The following KCNAB2 variants were observed in gnomAD, a reference collection of about 807,000 sequenced individuals.
KCNAB2 encodes voltage-gated potassium channel subunit beta-2.
A neutral mutation model predicts 63.6 loss-of-function variants in KCNAB2; 29 were observed. That is an observed-to-expected ratio of 0.46 (90% CI 0.34 to 0.62). The LOEUF (loss-of-function observed/expected upper bound fraction) is 0.62, where lower values mean the gene tolerates loss of function less well. Among genes scored for constraint, KCNAB2 ranks in the 20% least tolerant of loss-of-function variants. The pLI is 0.01. For synonymous variants in KCNAB2, 222 were observed against 224.2 expected (o/e 0.99, Z 0.09); for missense variants, 359 against 563.9 (o/e 0.64, Z 3.68).
chr1:6,040,388 G>C, intron 1 of KCNAB2: 1 of 631,414 alleles, frequency 1.6e-6, no homozygotes, highest in Non-Finnish European at 2.9e-6. Flanking sequence ...TCTCTGCTGA[G>C]GGGCTCCCCG....
chr1:6,050,027 T>C (rs1661254202), intron 1 of KCNAB2, among the ~76,000 whole-genome samples: 1 of 152,132 alleles, frequency 6.6e-6, no homozygotes, highest in Admixed American at 6.5e-5. Flanking sequence ...GGGTCTTTCC[T>C]TTGGCCCCTG....
intron 4 of KCNAB2, among the ~76,000 whole-genome samples, chr1:6,077,566 G>A (rs1663773745): frequency 1.3e-5 from 2 of 152,210 alleles, no homozygotes; most frequent in South Asian, 2.1e-4. Context: ...CGCCTTCGGG[G>A]GTCTGTGATG....
chr1:6,000,060 C>T (rs1397687749), intron 1 of KCNAB2, among the ~76,000 whole-genome samples: 2 of 151,368 alleles, frequency 1.3e-5, no homozygotes, highest in Admixed American at 6.6e-5. Flanking sequence ...GTCTGTGCCC[C>T]GTCCACACCC....
chr1:6,099,594 C>T lies in KCNAB2; in HGVS notation c.*1020C>T. On this transcript the variant is annotated 3_prime_UTR_variant, in exon 16 of 16. Transcript: ENST00000378083. ...GTAGACTTTCTCTAAAGCCGCCCGC[C>T]AGCCCAGGCCGCTGCTCTGCACCGA... 1 of 625,154 alleles carries T rather than the reference C, an allele frequency of 1.6e-6. No individual in the cohort carries two copies. Among genetic ancestry groups the T allele is most frequent in the Non-Finnish European group, 2.5e-6 (1 of 396,102 alleles). 38.7% of individuals were successfully genotyped at this position (625,154 alleles called of 1,614,324 possible). A position where few individuals can be genotyped will look rare whatever the true frequency, so the allele number is the denominator to read the frequency against.
intron 2 of KCNAB2, among the ~76,000 whole-genome samples, chr1:6,067,006 G>A (rs925578103): frequency 1.3e-5 from 2 of 152,200 alleles, no homozygotes; most frequent in Admixed American, 6.5e-5. Context: ...CTTCCCTGCC[G>A]GGGCCTTTCT....
rs1472776757 is a variant in KCNAB2 at position 6,003,512 on chromosome 1, C to T, written c.-53+10724C>T. The stretch of plus-strand genomic sequence containing the variant: ...TCACTGAGTGGCCACATTATACCCT[C>T]CCGTTTGTCTATAGTTCACTTAAAC... On this transcript the variant is annotated intron_variant, in intron 1 of 16. Coordinates refer to the KCNAB2 transcript ENST00000341524. This position sits in a 1 kb window ranked among gnomAD's most constrained non-coding sequence, Gnocchi z 4.1. Among the ~76,000 whole-genome samples, 1 of 152,242 alleles carries T rather than the reference C, an allele frequency of 6.6e-6. No individual in the cohort carries two copies. The highest frequency in any genetic ancestry group is 1.5e-5 in the Non-Finnish European group (1 of 68,040).
chr1:6,095,768 T>G (rs922796118), intron 13 of KCNAB2, 144 bp downstream of exon 13: 3 of 748,422 alleles, frequency 4.0e-6, no homozygotes, highest in Admixed American at 2.2e-5. Flanking sequence ...GGCGGGCTCC[T>G]TGGCGTGAGA....
At chr1:6,054,846 C>T (rs1453475832) in intron 2 of KCNAB2, among the ~76,000 whole-genome samples, 1 of 152,162 alleles carries the variant, frequency 6.6e-6, no homozygotes, top group African/African-American at 2.4e-5. Flanking sequence ...CGGGAGGGGA[C>T]AAATCAGAGG....
intron 2 of KCNAB2, among the ~76,000 whole-genome samples, chr1:6,057,923 A>C (rs1661978748): frequency 6.6e-6 from 1 of 152,154 alleles, no homozygotes; most frequent in Admixed American, 6.5e-5. Flanking sequence ...GGCTGAGGCA[A>C]GTGGATCACT....
Position 6,075,236 on chromosome 1 carries a change from C to T in KCNAB2, c.300+1466C>T, listed in dbSNP as rs114757550. 1.5e-3 allele frequency among the ~76,000 whole-genome samples: 229 copies of T among 152,318 alleles called. 1 individual carries two copies. The highest frequency in any genetic ancestry group is 5.3e-3 in the African/African-American group (220 of 41,564). On this transcript the variant is annotated intron_variant, in intron 4 of 15. Coordinates refer to ENST00000378083, the MANE Select transcript of KCNAB2 (RefSeq NM_001199862.2). ...TAACTTCATTTCCAAACAATATTAG[C>T]TGGGTGGCCTGTATGTCCTTGTGGG...
chr1:6,035,826 G>C lies in KCNAB2; in HGVS notation c.-53+1032G>C, dbSNP rs767117705. The C allele has an allele frequency of 6.6e-6, 1 of 152,590 alleles. No individual in the cohort carries two copies. The highest frequency in any genetic ancestry group is 1.5e-5 in the Non-Finnish European group (1 of 68,402). The allele number at this position is 152,590 out of a possible 1,614,324, so 9.5% of individuals were successfully genotyped here. ...CACGAGATGGGTGGAAATCTGAGGG[G>C]CTTTGTGGGGATGGAAAAGAATATA... On this transcript the variant is annotated intron_variant, in intron 1 of 15. Coordinates refer to the KCNAB2 transcript ENST00000164247. The surrounding 1 kb of genome is among the most constrained non-coding windows in gnomAD (Gnocchi z 5.0).
exon 2 of KCNAB2, chr1:6,040,638 A>G (rs1466976361): frequency 1.2e-6 from 2 of 1,612,662 alleles, no homozygotes; most frequent in Non-Finnish European, 1.7e-6. Flanking sequence ...CCCCGGGATG[A>G]TCTACAGGTG....
chr1:6,072,169 T>C (rs1241305225), intron 2 of KCNAB2, among the ~76,000 whole-genome samples: 1 of 152,182 alleles, frequency 6.6e-6, no homozygotes, highest in Non-Finnish European at 1.5e-5. Flanking sequence ...AGGCCTACGC[T>C]GCCAGGCTCT....
At chr1:6,026,926 C>T (rs536494132) in intron 1 of KCNAB2, among the ~76,000 whole-genome samples, 8 of 152,214 alleles carry the variant, frequency 5.3e-5, no homozygotes, top group Non-Finnish European at 1.0e-4. Flanking sequence ...GTGGAAGGCG[C>T]GAAGGCCCCT....
upstream of KCNAB2, among the ~76,000 whole-genome samples, chr1:6,031,741 T>C (rs1477991725): frequency 1.7e-5 from 2 of 120,074 alleles, no homozygotes; most frequent in Admixed American, 1.7e-4. The surrounding 1 kb of genome is among the most constrained non-coding windows in gnomAD (Gnocchi z 4.1). Flanking sequence ...AAAAAAAAAA[T>C]AGCCAGGCTG....
chr1:6,014,219 C>T (rs545353046), intron 1 of KCNAB2, among the ~76,000 whole-genome samples: 1 of 152,286 alleles, frequency 6.6e-6, no homozygotes, highest in Non-Finnish European at 1.5e-5. Flanking sequence ...TTCTCCTGCA[C>T]CCACTGTACT....
intron 1 of KCNAB2, among the ~76,000 whole-genome samples, chr1:6,022,776 G>A (rs1029534902): frequency 2.6e-5 from 4 of 151,792 alleles, no homozygotes; most frequent in Admixed American, 6.6e-5. Flanking sequence ...TCACCTAGCA[G>A]AATGTTCTCG....
At chr1:6,090,294 C>T (rs1456611627) in intron 8 of KCNAB2, 95 bp from the exon 9 acceptor site, 1 of 837,454 alleles carries the variant, frequency 1.2e-6, no homozygotes, top group African/African-American at 1.7e-5. Context: ...GGCCTCTTCT[C>T]CATCTCTTGT....
upstream of KCNAB2, chr1:6,041,768 A>T: frequency 6.8e-7 from 1 of 1,463,270 alleles, no homozygotes. Flanking sequence ...GTTGATGCCA[A>T]CTGTGGACTC....
Sources: allele counts gnomAD v4.1 joint callset (sites outside exome capture counted in the v4.1 genomes callset), GRCh38; gene constraint gnomAD v4.1.1; non-coding constraint Gnocchi (gnomAD v3.1); transcripts MANE v1.5; gene names NCBI Gene and HGNC (gene_info 2026-07-23, HGNC 2026-07-21).